Variants in DENND3 observed in about 807,000 individuals in gnomAD.
The protein encoded by DENND3 is DENN domain containing 3.
Under a neutral mutation model 135.1 loss-of-function variants are expected in DENND3, and 88 were observed. That is an observed-to-expected ratio of 0.65 (90% CI 0.55 to 0.78). DENND3 has a LOEUF of 0.78. Ranked by LOEUF, DENND3 falls within the 30% of genes least tolerant of loss-of-function variation. DENND3 has a pLI of 0.00. For missense variants in DENND3, 1,392 were observed against 1,688.4 expected (o/e 0.82, Z 3.08); for synonymous variants, 693 against 712.3 (o/e 0.97, Z 0.43).
chr8:141,135,504 A>T (rs1050944392), intron 1 of DENND3, among the ~76,000 whole-genome samples: 6 of 151,948 alleles, frequency 3.9e-5, no homozygotes, highest in Non-Finnish European at 5.9e-5. Context: ...GCCTTTGGCC[A>T]CCTCCTGTCT....
At position 141,175,465 on chromosome 8, in the gene DENND3, GACAGC is replaced by G. The variant is rs1569556460; in HGVS notation, c.2535+11_2535+15del. The G allele has an allele frequency of 4.3e-6, 7 of 1,614,166 alleles. No homozygotes were observed. Among genetic ancestry groups the G allele is most frequent in the Non-Finnish European group, 5.1e-6 (6 of 1,180,048 alleles). On this transcript the variant is annotated splice_region_variant and intron_variant, in intron 14 of 22. Transcript: ENST00000519811. The surrounding 1 kb of genome is among the most constrained non-coding windows in gnomAD (Gnocchi z 5.4). ...CCACCTTCAGAAATATAGAGGTAAG[GACAGC>G]ACAGGCAGACGGCGCCAGACCCCAC...
Position 141,182,537 on chromosome 8 carries a change from T to C in DENND3, c.2944+1683T>C. On this transcript the variant is annotated intron_variant, in intron 17 of 22. Transcript: ENST00000519811. This position sits in a 1 kb window ranked among gnomAD's most constrained non-coding sequence, Gnocchi z 5.9. ...CCCTGAAATGAAACTCACTCTGAGC[T>C]TCCTGTTGTGACGGGCGAGGAGTTC... 14 of 975,206 alleles carry C rather than the reference T, an allele frequency of 1.4e-5. No individual in the cohort carries two copies. Among genetic ancestry groups the C allele is most frequent in the Non-Finnish European group, 1.7e-5 (14 of 820,766 alleles). 60.4% of individuals were successfully genotyped at this position (975,206 alleles called of 1,614,324 possible). A position where few individuals can be genotyped will look rare whatever the true frequency, so the allele number is the denominator to read the frequency against.
chr8:141,156,950 A>AT (rs1273781050), intron 8 of DENND3, among the ~76,000 whole-genome samples: 5 of 151,374 alleles, frequency 3.3e-5, no homozygotes, highest in Non-Finnish European at 4.4e-5. Flanking sequence ...CGTCTGGCTA[A>AT]TTTTTTGTAT....
chr8:141,172,163 G>T (rs954684746), intron 13 of DENND3, among the ~76,000 whole-genome samples: 4 of 149,150 alleles, frequency 2.7e-5, no homozygotes, highest in African/African-American at 9.9e-5. Context: ...TAGTGACTGT[G>T]GGCGTGCACA....
intron 15 of DENND3, 125 bp from the exon 16 acceptor site, chr8:141,177,942 A>G: frequency 8.1e-7 from 1 of 1,234,796 alleles, no homozygotes; most frequent in African/African-American, 1.5e-5. Context: ...TCCGTGATCT[A>G]AACTCTTCAT....
rs775205636 is a variant in DENND3, at chr8:141,192,491, G to A, written c.3499-35G>A. The A allele has an allele frequency of 1.5e-5, 24 of 1,611,824 alleles. No individual in the cohort carries two copies. The East Asian group carries it at 1.6e-4, about 10-fold the overall frequency. The stretch of plus-strand genomic sequence containing the variant: ...TGTGGGCCCAGCATGTGCGTGGCCC[G>A]GGGCCCATAGCCCACACCGTGCCCT... On this transcript the variant is annotated intron_variant, in intron 21 of 22. Transcript: ENST00000519811.
rs1817449011 is a variant in DENND3, at chr8:141,141,462, G to A, written c.623+138G>A. 6 of 1,068,102 alleles carry A rather than the reference G, an allele frequency of 5.6e-6. No individual in the cohort carries two copies. The highest frequency in any genetic ancestry group is 8.1e-6 in the Non-Finnish European group (6 of 744,458). 66.2% of individuals were successfully genotyped at this position (1,068,102 alleles called of 1,614,324 possible). ...CTCCTGGTGAGCCGGGGGACCGGGCGCTGGGGGCAGTAGGAGGGGCAGTTC... is the reference window on the plus strand; with the variant it reads ...CTCCTGGTGAGCCGGGGGACCGGGCACTGGGGGCAGTAGGAGGGGCAGTTC... On this transcript the variant is annotated intron_variant, in intron 4 of 22. Transcript: ENST00000519811. This position sits in a 1 kb window ranked among gnomAD's most constrained non-coding sequence, Gnocchi z 5.3.
chr8:141,187,170 T>C (rs1823996268), intron 18 of DENND3, among the ~76,000 whole-genome samples: 2 of 151,824 alleles, frequency 1.3e-5, no homozygotes, highest in African/African-American at 2.4e-5. Context: ...TTGAGCATGA[T>C]AGGATTTTTT....
At position 141,152,863 on chromosome 8, in the gene DENND3, C is replaced by G. The variant is rs368034748; in HGVS notation, c.1074+1026C>G. On this transcript the variant is annotated intron_variant, in intron 7 of 22. Coordinates refer to ENST00000519811, the MANE Select transcript of DENND3 (RefSeq NM_001352890.3). ...GCGGCCGTGCCGTTTTACACTCCCA[C>G]CAGCAGTACGAGGGTTCTAGCTTCT... 2.1e-4 allele frequency among the ~76,000 whole-genome samples: 32 copies of G among 152,314 alleles called. No individual in the cohort carries two copies. In the East Asian group the frequency reaches 4.2e-3, roughly 20 times the overall value.
At position 141,146,759 on chromosome 8, in the gene DENND3, C is replaced by T. The variant is rs1040799616; in HGVS notation, c.735+2500C>T. The stretch of plus-strand genomic sequence containing the variant: ...GCAGCAGGCCACCCGTCTCTGTCAG[C>T]TCTGCTCCCAGAAGCCTTTGTAGGG... On this transcript the variant is annotated intron_variant, in intron 5 of 22. Coordinates refer to ENST00000519811, the MANE Select transcript of DENND3 (RefSeq NM_001352890.3). This position sits in a 1 kb window ranked among gnomAD's most constrained non-coding sequence, Gnocchi z 4.3. 1.3e-5 allele frequency among the ~76,000 whole-genome samples: 2 copies of T among 152,204 alleles called. No homozygotes were observed. Among genetic ancestry groups the T allele is most frequent in the Non-Finnish European group, 2.9e-5 (2 of 68,044 alleles).
Position 141,137,922 on chromosome 8 carries a change from C to A in DENND3, c.386-100C>A. 1 of 1,213,150 alleles carries A rather than the reference C, an allele frequency of 8.2e-7. No individual in the cohort carries two copies. Among genetic ancestry groups the A allele is most frequent in the Non-Finnish European group, 1.2e-6 (1 of 859,478 alleles). 75.1% of individuals were successfully genotyped at this position (1,213,150 alleles called of 1,614,324 possible). A position where few individuals can be genotyped will look rare whatever the true frequency, so the allele number is the denominator to read the frequency against. ...GACATGAAGGCACCACCACTGCTAA[C>A]TGTGGAGGTGTGTCCTAAACACTGT... On this transcript the variant is annotated intron_variant, in intron 2 of 22. Transcript: ENST00000519811. This position sits in a 1 kb window ranked among gnomAD's most constrained non-coding sequence, Gnocchi z 4.1.
chr8:141,152,223 G>C (rs1818870919), intron 7 of DENND3, among the ~76,000 whole-genome samples: 3 of 152,264 alleles, frequency 2.0e-5, no homozygotes, highest in Admixed American at 2.0e-4. Context: ...ATGATGCCAG[G>C]AGGTGGACTG....
At chr8:141,129,741 G>A (rs778357699) in intron 1 of DENND3, 1 of 152,222 alleles carries the variant, frequency 6.6e-6, no homozygotes. Flanking sequence ...TTTAAATGAC[G>A]CTGGGCTATC....
At chr8:141,192,068 A>T in intron 20 of DENND3, 1 of 398,298 alleles carries the variant, frequency 2.5e-6, no homozygotes, top group Non-Finnish European at 4.5e-6. Flanking sequence ...GCAGTCAATG[A>T]TCTTTCAAGA....
intron 14 of DENND3, chr8:141,176,196 C>T (rs554798001): frequency 5.5e-6 from 1 of 182,684 alleles, no homozygotes; most frequent in African/African-American, 2.4e-5. Flanking sequence ...TTTTTCCACA[C>T]CTGCTTTTCC....
chr8:141,158,664 T>A (rs1010830125), intron 8 of DENND3, among the ~76,000 whole-genome samples: 1 of 152,166 alleles, frequency 6.6e-6, no homozygotes, highest in Non-Finnish European at 1.5e-5. Context: ...ACAATATGCA[T>A]CTCTCTGCAC....
intron 13 of DENND3, among the ~76,000 whole-genome samples, chr8:141,170,297 G>A (rs908520048): frequency 3.3e-5 from 5 of 152,176 alleles, no homozygotes; most frequent in East Asian, 3.8e-4. Context: ...CAAGCGCTGC[G>A]GAATGCAGTT....
chr8:141,131,549 G>A (rs973588703), intron 1 of DENND3, among the ~76,000 whole-genome samples: 1 of 152,192 alleles, frequency 6.6e-6, no homozygotes, highest in African/African-American at 2.4e-5. Context: ...AGCTTGTAGT[G>A]TGGCCAGTGA....
At chr8:141,158,040 G>A (rs537389145) in intron 8 of DENND3, 141 of 1,186,954 alleles carry the variant, frequency 1.2e-4, no homozygotes, top group Non-Finnish European at 1.4e-4. Context: ...GATTACAGGC[G>A]TGAGCCACCG....
Sources: allele counts gnomAD v4.1 joint callset (sites outside exome capture counted in the v4.1 genomes callset), GRCh38; gene constraint gnomAD v4.1.1; non-coding constraint Gnocchi (gnomAD v3.1); transcripts MANE v1.5; gene names NCBI Gene and HGNC (gene_info 2026-07-23, HGNC 2026-07-21).